CPNE4: variants seen among roughly 807,000 people sequenced by gnomAD.
CPNE4 encodes the protein copine 4, also known as copine-4.
Under a neutral mutation model 67.9 loss-of-function variants are expected in CPNE4, and 25 were observed. The observed-to-expected ratio is 0.37, with a 90% CI of 0.27 to 0.51. CPNE4 has a LOEUF of 0.51. Among genes scored for constraint, CPNE4 ranks in the 20% least tolerant of loss-of-function variants. CPNE4 has a pLI of 0.93. For missense variants in CPNE4, 464 were observed against 690.8 expected, an observed-to-expected ratio of 0.67 and a Z score of 3.68; for synonymous variants, 242 against 244.9, an observed-to-expected ratio of 0.99 and a Z score of 0.11.
At chr3:131,989,514 C>A (rs1411728747) in intron 1 of CPNE4, among the ~76,000 whole-genome samples, 1 of 97,818 alleles carries the variant, frequency 1.0e-5, no homozygotes, top group East Asian at 3.9e-4. Flanking sequence ...AACCTGTAAA[C>A]CAAGAGTCCT....
At chr3:132,024,848 T>A (rs2074083160) in intron 1 of CPNE4, among the ~76,000 whole-genome samples, 1 of 152,074 alleles carries the variant, frequency 6.6e-6, no homozygotes, top group African/African-American at 2.4e-5. Flanking sequence ...AAATGCCAGA[T>A]CCCTTTCTTT....
At chr3:131,801,331 C>CCATG (rs1355344098) in intron 2 of CPNE4, among the ~76,000 whole-genome samples, 1 of 118,640 alleles carries the variant, frequency 8.4e-6, no homozygotes, top group Non-Finnish European at 1.6e-5. Context: ...TCACTGGAAA[C>CCATG]CATACATATA....
At chr3:132,017,441 A>G (rs557004911) in intron 1 of CPNE4, 1 of 152,282 alleles carries the variant, frequency 6.6e-6, no homozygotes, top group East Asian at 1.9e-4. Context: ...GAAGGAATAA[A>G]GGACAAGTCT....
chr3:131,808,065 C>G (rs2084385200), intron 2 of CPNE4, among the ~76,000 whole-genome samples: 1 of 152,172 alleles, frequency 6.6e-6, no homozygotes, highest in Non-Finnish European at 1.5e-5. Context: ...AAACTCAGCT[C>G]AGCTCCTGGC....
At chr3:131,583,591 T>C (rs1937981186) in intron 8 of CPNE4, among the ~76,000 whole-genome samples, 1 of 152,198 alleles carries the variant, frequency 6.6e-6, no homozygotes, top group African/African-American at 2.4e-5. Context: ...CCATGAAAAG[T>C]CTACTCACTT....
intron 2 of CPNE4, among the ~76,000 whole-genome samples, chr3:131,846,798 G>A (rs553158613): frequency 6.6e-6 from 1 of 152,294 alleles, no homozygotes; most frequent in East Asian, 1.9e-4. Flanking sequence ...GGCAGGCTGA[G>A]CATCGAGATT....
At chr3:131,562,932 C>G (rs557875170) in intron 11 of CPNE4, among the ~76,000 whole-genome samples, 34 of 152,148 alleles carry the variant, frequency 2.2e-4, no homozygotes, top group African/African-American at 8.2e-4. Context: ...CAGCAAGGGC[C>G]TGAGTGTTTA....
intron 3 of CPNE4, among the ~76,000 whole-genome samples, chr3:131,703,565 T>C (rs1163488324): frequency 6.6e-6 from 1 of 152,204 alleles, no homozygotes; most frequent in Non-Finnish European, 1.5e-5. Flanking sequence ...AAAAATGCAC[T>C]GTTTCATTAA....
In CPNE4 at chr3:131,734,473, T is replaced by C. The variant is rs75219673; in HGVS notation, c.181-10848A>G. 2.4e-4 allele frequency among the ~76,000 whole-genome samples: 36 copies of C among 152,310 alleles called. No individual in the cohort carries two copies. The East Asian group carries it at 6.6e-3, about 28-fold the overall frequency. Reference sequence around the variant, plus strand: ...AGTGAGAAGAATGATCACTTAGCAATGCCCGCCTTGAATATAGGAGGAGTA... The same window carrying C: ...AGTGAGAAGAATGATCACTTAGCAACGCCCGCCTTGAATATAGGAGGAGTA... On this transcript the variant is annotated intron_variant, in intron 2 of 15. Transcript: ENST00000429747.
rs572886265 is a variant in CPNE4, at chr3:131,641,887, G to A, written c.681+27788C>T. 3.9e-5 allele frequency among the ~76,000 whole-genome samples: 6 copies of A among 152,258 alleles called. No individual in the cohort carries two copies. In the South Asian group the frequency reaches 1.2e-3, roughly 32 times the overall value. ...TGGATGGAATTGGAGGCTATCATTC[G>A]AAGTGAAGTAATTCAGGAATGGAAA... On this transcript the variant is annotated intron_variant, in intron 7 of 15. Coordinates refer to ENST00000429747, the MANE Select transcript of CPNE4 (RefSeq NM_130808.3).
chr3:131,901,128 G>C (rs2088537723), intron 2 of CPNE4, among the ~76,000 whole-genome samples: 2 of 152,084 alleles, frequency 1.3e-5, no homozygotes, highest in African/African-American at 4.8e-5. Flanking sequence ...CCCAGGAATA[G>C]AGCATATGCT....
intron 1 of CPNE4, among the ~76,000 whole-genome samples, chr3:132,014,416 C>T (rs894130370): frequency 3.3e-5 from 5 of 151,952 alleles, no homozygotes; most frequent in Admixed American, 2.0e-4. Flanking sequence ...TCCTAGTGAC[C>T]GAGGTAAGGG....
intron 1 of CPNE4, among the ~76,000 whole-genome samples, chr3:131,922,682 C>G (rs968555593): frequency 3.3e-5 from 5 of 152,176 alleles, no homozygotes; most frequent in African/African-American, 1.2e-4. Context: ...TAAACATTCT[C>G]TAGTTGTGAC....
At chr3:131,632,369 G>A (rs1293415343) in intron 7 of CPNE4, among the ~76,000 whole-genome samples, 1 of 152,006 alleles carries the variant, frequency 6.6e-6, no homozygotes, top group African/African-American at 2.4e-5. Flanking sequence ...CAGCTTATGA[G>A]GGAGGAAACT....
chr3:131,762,746 C>G (rs555089575), intron 2 of CPNE4, among the ~76,000 whole-genome samples: 3 of 151,908 alleles, frequency 2.0e-5, no homozygotes, highest in Non-Finnish European at 4.4e-5. Context: ...GCCTGGATAG[C>G]AACATAAAAG....
At chr3:131,914,110 A>G (rs2107794777) in intron 1 of CPNE4, among the ~76,000 whole-genome samples, 1 of 152,310 alleles carries the variant, frequency 6.6e-6, no homozygotes. Flanking sequence ...ATCCTTTTGT[A>G]GGACCTATTA....
intron 2 of CPNE4, among the ~76,000 whole-genome samples, chr3:131,745,295 G>A (rs893270744): frequency 6.6e-5 from 10 of 152,056 alleles, no homozygotes; most frequent in African/African-American, 2.2e-4. Context: ...TGAGTTTTGA[G>A]ATTTTTAAAT....
intron 7 of CPNE4, among the ~76,000 whole-genome samples, chr3:131,657,736 GTGTGTGTT>G (rs778976191): frequency 4.5e-4 from 68 of 149,570 alleles, no homozygotes; most frequent in South Asian, 1.3e-3. Context: ...GTGTGTGTGT[GTGTGTGTT>G]TAGTAGAAAC....
intron 10 of CPNE4, among the ~76,000 whole-genome samples, chr3:131,568,615 A>G (rs1456850376): frequency 6.6e-6 from 1 of 152,028 alleles, no homozygotes; most frequent in Non-Finnish European, 1.5e-5. Flanking sequence ...CCAGGAAGCC[A>G]CTGCTCATTA....
Sources: gnomAD v4.1 joint callset for allele counts (sites outside exome capture counted in the v4.1 genomes callset) on GRCh38, gnomAD v4.1.1 for gene constraint, MANE v1.5 for transcripts, NCBI Gene and HGNC (gene_info 2026-07-23, HGNC 2026-07-21) for gene names.